TRPM2: variants seen among roughly 807,000 people sequenced by gnomAD.
TRPM2 encodes the protein transient receptor potential cation channel subfamily M member 2.
In TRPM2, 161 loss-of-function variants were observed where a neutral mutation model predicts 174.0. That is an observed-to-expected ratio of 0.93 (90% CI 0.81 to 1.05). The LOEUF (loss-of-function observed/expected upper bound fraction) is 1.05. TRPM2 is among the 50% of genes least tolerant of loss of function. TRPM2 has a pLI of 0.00. For synonymous variants in TRPM2, 954 were observed against 861.3 expected, an observed-to-expected ratio of 1.11 and a Z score of -1.88; for missense variants, 2,057 against 2,038.0, an observed-to-expected ratio of 1.01 and a Z score of -0.18.
rs1461968622 is a variant in TRPM2 at position 44,384,510 on chromosome 21, A to C, written c.1318+1690A>C. ...AGAGTAAGAAAGCAAGAGGGAGCTA[A>C]ACTTGCTTTTTATAACAAGCCCACT... is the stretch of plus-strand genomic sequence containing the variant. On this transcript the variant is annotated intron_variant, in intron 9 of 31. Transcript: ENST00000397928. Among the ~76,000 whole-genome samples the C allele has an allele frequency of 3.4e-4, 52 of 152,202 alleles. 1 individual carries two copies. The highest frequency in any genetic ancestry group is 3.4e-3 in the Admixed American group (52 of 15,276).
At chr21:44,422,045 G>A (rs772364661) in intron 22 of TRPM2, among the ~76,000 whole-genome samples, 2 of 152,242 alleles carry the variant, frequency 1.3e-5, no homozygotes, top group Non-Finnish European at 2.9e-5. Flanking sequence ...ATCCGCAGAG[G>A]GGCCTGGGAC....
At position 44,442,085 on chromosome 21, in the gene TRPM2, C is replaced by T. The variant is rs1052219161; in HGVS notation, c.*268C>T. 64 of 378,682 alleles carry T rather than the reference C, an allele frequency of 1.7e-4. No homozygotes were observed. Among genetic ancestry groups the T allele is most frequent in the Non-Finnish European group, 2.7e-4 (58 of 218,534 alleles). 23.5% of individuals were successfully genotyped at this position (378,682 alleles called of 1,614,324 possible). A position where few individuals can be genotyped will look rare whatever the true frequency, so the allele number is the denominator to read the frequency against. On this transcript the variant is annotated 3_prime_UTR_variant, in exon 32 of 32. Transcript: ENST00000397928. ...GCCCCTGGGACCCTTGGCCATCAGG[C>T]GAGGGGCTGGGCCTGTGCAGCTGGG...
In TRPM2 at chr21:44,373,448, A is replaced by G. The variant is rs62218765; in HGVS notation, c.772-2385A>G. ...GTGATCCGCCCGCCTCGGCCCCCCA[A>G]AGTGCTGGGATTACAGGTGTGAGCC... On this transcript the variant is annotated intron_variant, in intron 5 of 31. Coordinates refer to ENST00000397928, the MANE Select transcript of TRPM2 (RefSeq NM_003307.4). 4.2e-3 allele frequency among the ~76,000 whole-genome samples: 635 copies of G among 152,176 alleles called. 1 individual carries two copies. The highest frequency in any genetic ancestry group is 0.014 in the African/African-American group (585 of 41,524).
chr21:44,387,619 AAT>A (rs1338828956), intron 9 of TRPM2, among the ~76,000 whole-genome samples: 6 of 152,240 alleles, frequency 3.9e-5, no homozygotes, highest in Non-Finnish European at 2.9e-5. Context: ...CAACCCATGG[AAT>A]GGGAGAAAAT....
chr21:44,436,333 C>A (rs1421572349), intron 28 of TRPM2, among the ~76,000 whole-genome samples: 2 of 152,148 alleles, frequency 1.3e-5, no homozygotes, highest in Non-Finnish European at 2.9e-5. Context: ...GACCTCCCCC[C>A]AGCGGAGGGG....
chr21:44,411,535 A>T (rs1198560251), intron 19 of TRPM2, among the ~76,000 whole-genome samples: 3 of 152,138 alleles, frequency 2.0e-5, no homozygotes, highest in Non-Finnish European at 2.9e-5. Flanking sequence ...GCAAAAAGAG[A>T]GTTTTACTTG....
Position 44,379,202 on chromosome 21 carries a change from G to A in TRPM2, c.1215+5G>A. On this transcript the variant is annotated splice_donor_5th_base_variant and intron_variant, in intron 8 of 31. Coordinates refer to ENST00000397928, the MANE Select transcript of TRPM2 (RefSeq NM_003307.4). ...ATTGTCGAGTGGACCAAAAAGGTGA[G>A]GCTGACGGGCACGACGGTCACCAGC... The A allele has an allele frequency of 6.2e-7, 1 of 1,611,690 alleles. No individual in the cohort carries two copies. The highest frequency in any genetic ancestry group is 8.5e-7 in the Non-Finnish European group (1 of 1,179,738).
Position 44,425,680 on chromosome 21 carries a change from G to C in TRPM2, c.3648G>C (p.Lys1216Asn), listed in dbSNP as rs765373301. 17 of 1,525,662 alleles carry C rather than the reference G, an allele frequency of 1.1e-5. No individual in the cohort carries two copies. The highest frequency in any genetic ancestry group is 1.0e-4 in the Admixed American group (5 of 49,588). 94.5% of individuals were successfully genotyped at this position (1,525,662 alleles called of 1,614,324 possible). ...CCTGACTGTCCCCAGCCTCCCAGAAGGCCGCGGAGGAGCCGGATGCTGAGC... is the reference window on the plus strand; with the variant it reads ...CCTGACTGTCCCCAGCCTCCCAGAACGCCGCGGAGGAGCCGGATGCTGAGC... ...EADVPTLASQ[K>N]AAEEPDAEPG... Residue 1216 changes from lysine (K) to asparagine (N), a missense_variant, in exon 25 of 32, where the codon AAG becomes AAC. Transcript: ENST00000397928.
At position 44,428,707 on chromosome 21, in the gene TRPM2, A is replaced by G. The variant is rs150142212; in HGVS notation, c.3974+1596A>G. On this transcript the variant is annotated intron_variant, in intron 27 of 31. Transcript: ENST00000397928. ...CCTGAGGTGTGGCTCCTCCCCTGAG[A>G]TGTGGCTCCTCCCTGAGGTGTGGCT... is the stretch of plus-strand genomic sequence containing the variant. Among the ~76,000 whole-genome samples the G allele has an allele frequency of 9.1e-3, 109 of 12,040 alleles. 1 individual carries two copies. Among genetic ancestry groups the G allele is most frequent in the East Asian group, 0.015 (2 of 134 alleles). 7.9% of individuals were successfully genotyped at this position (12,040 alleles called of 152,430 possible).
At chr21:44,359,075 A>C (rs1278816272) in intron 2 of TRPM2, among the ~76,000 whole-genome samples, 2 of 151,726 alleles carry the variant, frequency 1.3e-5, no homozygotes. Flanking sequence ...CATTTTACAG[A>C]GCACTGCTTG....
In TRPM2 at chr21:44,438,312, G is replaced by C. The variant is rs1006226276; in HGVS notation, c.4168-755G>C. ...CTCTGGCACTTTGGCCTCTCCATGC[G>C]GGGTGCGTGGAGTTGGGTTTGGGGG... On this transcript the variant is annotated intron_variant, in intron 29 of 31. Coordinates refer to ENST00000397928, the MANE Select transcript of TRPM2 (RefSeq NM_003307.4). This position sits in a 1 kb window ranked among gnomAD's most constrained non-coding sequence, Gnocchi z 5.9. Among the ~76,000 whole-genome samples, 1 of 152,220 alleles carries C rather than the reference G, an allele frequency of 6.6e-6. No homozygotes were observed. Among genetic ancestry groups the C allele is most frequent in the Non-Finnish European group, 1.5e-5 (1 of 68,042 alleles).
chr21:44,384,588 C>T (rs1001426317), intron 9 of TRPM2, among the ~76,000 whole-genome samples: 10 of 152,308 alleles, frequency 6.6e-5, no homozygotes, highest in African/African-American at 1.9e-4. Flanking sequence ...TTCATGAAGG[C>T]TTTGCCCTGT....
At chr21:44,371,111 G>A (rs1386380575) in intron 5 of TRPM2, among the ~76,000 whole-genome samples, 5 of 152,212 alleles carry the variant, frequency 3.3e-5, no homozygotes, top group Non-Finnish European at 5.9e-5. Flanking sequence ...CGGTGTTGGC[G>A]GGGCCACCTC....
rs754688559 is a variant in TRPM2, at chr21:44,414,064, G to C, written c.3136G>C (p.Ala1046Pro). 6 of 1,611,066 alleles carry C rather than the reference G, an allele frequency of 3.7e-6. No homozygotes were observed. The highest frequency in any genetic ancestry group is 4.2e-6 in the Non-Finnish European group (5 of 1,179,398). The part of the protein sequence containing the change: ...TNILLLNLLI[A>P]MFNYTFQQVQ... ...CATCCTGCTGCTCAACCTCCTCATC[G>C]CCATGTTCAAGTGAGCGCCTGGGTG... The change falls in exon 20 of 32, where the codon GCC becomes CCC. Residue 1046 changes from alanine to proline, a missense_variant. Transcript: ENST00000397928.
intron 9 of TRPM2, among the ~76,000 whole-genome samples, chr21:44,390,432 G>T (rs1385951663): frequency 6.6e-6 from 1 of 152,134 alleles, no homozygotes; most frequent in Non-Finnish European, 1.5e-5. Flanking sequence ...GAAACTACTT[G>T]AGCAAAATAA....
In TRPM2 at chr21:44,439,950, GCTCA is replaced by G. The variant is rs778542091; in HGVS notation, c.4269+783_4269+786del. Among the ~76,000 whole-genome samples, 3 of 152,014 alleles carry G rather than the reference GCTCA, an allele frequency of 2.0e-5. No individual in the cohort carries two copies. ...GTTGCCCAGGCTGGTCATGAACTGG[GCTCA>G]AGCGATCTGCCCACCTCAGCCTCCC... On this transcript the variant is annotated intron_variant, in intron 30 of 31. Coordinates refer to ENST00000397928, the MANE Select transcript of TRPM2 (RefSeq NM_003307.4). This position sits in a 1 kb window ranked among gnomAD's most constrained non-coding sequence, Gnocchi z 5.1.
intron 16 of TRPM2, among the ~76,000 whole-genome samples, chr21:44,403,186 G>A (rs1289939764): frequency 6.6e-6 from 1 of 152,178 alleles, no homozygotes; most frequent in Non-Finnish European, 1.5e-5. Context: ...TGAGAGCAGA[G>A]GGGGCACTTC....
intron 19 of TRPM2, among the ~76,000 whole-genome samples, chr21:44,408,641 C>T (rs897995722): frequency 2.7e-4 from 41 of 149,276 alleles, no homozygotes; most frequent in African/African-American, 1.0e-3. Flanking sequence ...AATGTCTCTC[C>T]CTCTCCTTTG....
At chr21:44,387,967 C>T (rs1362555469) in intron 9 of TRPM2, among the ~76,000 whole-genome samples, 3 of 152,080 alleles carry the variant, frequency 2.0e-5, no homozygotes, top group African/African-American at 4.8e-5. Flanking sequence ...GTGCAGCTGC[C>T]GTGGAAAACA....
Sources: gnomAD v4.1 joint callset for allele counts (sites outside exome capture counted in the v4.1 genomes callset) on GRCh38, gnomAD v4.1.1 for gene constraint, Gnocchi (gnomAD v3.1) non-coding constraint, MANE v1.5 for transcripts, NCBI Gene and HGNC (gene_info 2026-07-23, HGNC 2026-07-21) for gene names.